CFAP20DC: variants seen among roughly 807,000 people sequenced by gnomAD.
The protein encoded by CFAP20DC is CFAP20 domain containing, also known as protein CFAP20DC.
Under a neutral mutation model 101.7 loss-of-function variants are expected in CFAP20DC, and 84 were observed. The ratio of observed to expected loss-of-function variants is 0.83; its 90% CI spans 0.69 to 0.99. The LOEUF (loss-of-function observed/expected upper bound fraction) is 0.99. Among genes scored for constraint, CFAP20DC ranks in the 50% least tolerant of loss-of-function variants. The pLI is 0.00. For missense variants in CFAP20DC, 1,007 were observed against 970.3 expected (o/e 1.04, Z -0.50); for synonymous variants, 359 against 351.2 (o/e 1.02, Z -0.25).
chr3:58,946,245 T>C (rs546444683), intron 4 of CFAP20DC, among the ~76,000 whole-genome samples: 112 of 151,740 alleles, frequency 7.4e-4, no homozygotes, highest in African/African-American at 2.6e-3. Context: ...GTCTCCTAAG[T>C]AGCTGGGACT....
At chr3:58,937,552 C>A (rs1022320475) in intron 5 of CFAP20DC, 96 bp downstream of exon 5, 3 of 766,334 alleles carry the variant, frequency 3.9e-6, no homozygotes, top group African/African-American at 3.5e-5. Flanking sequence ...ATACCACCAT[C>A]GTACTTAACA....
At position 58,807,209 on chromosome 3, in the gene CFAP20DC, G is replaced by A. The variant is rs965061854; in HGVS notation, c.2176-753C>T. On this transcript the variant is annotated intron_variant, in intron 14 of 16. Transcript: ENST00000482387. ...TCCCTGTCTGACAGCTTTGAAGAGA[G>A]CAGTGGTTCTCCCAGCACGCAGCTG... is the stretch of plus-strand genomic sequence containing the variant. Among the ~76,000 whole-genome samples the A allele has an allele frequency of 1.3e-5, 2 of 152,180 alleles. 1 individual carries two copies. The highest frequency in any genetic ancestry group is 4.8e-5 in the African/African-American group (2 of 41,436).
At chr3:59,026,955 C>T (rs1352962087) in intron 4 of CFAP20DC, among the ~76,000 whole-genome samples, 1 of 152,164 alleles carries the variant, frequency 6.6e-6, no homozygotes, top group African/African-American at 2.4e-5. Context: ...TGGACCTAAA[C>T]TCCGTAAAAT....
At chr3:58,811,420 T>A (rs2074621669) in intron 14 of CFAP20DC, among the ~76,000 whole-genome samples, 1 of 152,036 alleles carries the variant, frequency 6.6e-6, no homozygotes, top group African/African-American at 2.4e-5. Context: ...AACTATCTGA[T>A]CTTTGACAAA....
In CFAP20DC at chr3:58,742,115, C is replaced by T; in HGVS notation, c.*345G>A. On this transcript the variant is annotated 3_prime_UTR_variant, in exon 17 of 17. Coordinates refer to ENST00000482387, the MANE Select transcript of CFAP20DC (RefSeq NM_001394063.1). Reference sequence around the variant, plus strand: ...TTTCTGTACATCAAGCCATCATTTACAGATTAACACTGCAAAAAATTTGAA... The same window carrying T: ...TTTCTGTACATCAAGCCATCATTTATAGATTAACACTGCAAAAAATTTGAA... The T allele has an allele frequency of 1.1e-6, 1 of 948,386 alleles. No homozygotes were observed. The highest frequency in any genetic ancestry group is 1.3e-6 in the Non-Finnish European group (1 of 795,234). 58.7% of individuals were successfully genotyped at this position (948,386 alleles called of 1,614,324 possible). A position where few individuals can be genotyped will look rare whatever the true frequency, so the allele number is the denominator to read the frequency against.
intron 14 of CFAP20DC, among the ~76,000 whole-genome samples, chr3:58,813,200 T>A (rs1302250950): frequency 2.6e-5 from 4 of 151,854 alleles, no homozygotes; most frequent in Non-Finnish European, 5.9e-5. Context: ...AATCTCAAAT[T>A]TTCCCTCCAC....
intron 4 of CFAP20DC, among the ~76,000 whole-genome samples, chr3:58,996,511 C>T (rs2093139697): frequency 6.6e-6 from 1 of 152,152 alleles, no homozygotes; most frequent in Non-Finnish European, 1.5e-5. Context: ...CCACAAACTT[C>T]GTTATTTGCT....
intron 14 of CFAP20DC, among the ~76,000 whole-genome samples, chr3:58,821,586 C>T (rs1161991976): frequency 6.7e-6 from 1 of 149,498 alleles, no homozygotes; most frequent in African/African-American, 2.5e-5. Context: ...AAATCAAAAC[C>T]ACTATGAGAT....
chr3:59,028,712 T>C (rs777637573), intron 4 of CFAP20DC, among the ~76,000 whole-genome samples: 1 of 152,168 alleles, frequency 6.6e-6, no homozygotes, highest in South Asian at 2.1e-4. Flanking sequence ...TTCCCTCAAA[T>C]AATAAAACAG....
intron 15 of CFAP20DC, among the ~76,000 whole-genome samples, chr3:58,764,660 G>C (rs2070091135): frequency 1.3e-5 from 2 of 152,112 alleles, no homozygotes; most frequent in Admixed American, 1.3e-4. Flanking sequence ...GGCCATCTTG[G>C]CTCCACCCGA....
At chr3:58,917,661 G>A (rs74370896) in intron 5 of CFAP20DC, among the ~76,000 whole-genome samples, 165 of 152,154 alleles carry the variant, frequency 1.1e-3, no homozygotes, top group African/African-American at 3.7e-3. Context: ...ATAATTTCTC[G>A]ATAGAAAATC....
chr3:58,986,320 A>C (rs554984654), intron 4 of CFAP20DC, among the ~76,000 whole-genome samples: 4 of 152,272 alleles, frequency 2.6e-5, no homozygotes, highest in African/African-American at 9.6e-5. Context: ...CCAGAGGGTT[A>C]ATATGTGTGC....
At chr3:58,852,940 T>C (rs76593025) in intron 12 of CFAP20DC, among the ~76,000 whole-genome samples, 108,110 of 151,578 alleles carry the variant, frequency 0.71, 40,023 homozygotes, top group African/African-American at 0.92. Context: ...AAAGCAAGAG[T>C]AAACACATAC....
In CFAP20DC at chr3:58,937,569, C is replaced by G. The variant is rs375862184; in HGVS notation, c.393+79G>C. 148 of 870,408 alleles carry G rather than the reference C, an allele frequency of 1.7e-4. 1 individual carries two copies. Among genetic ancestry groups the G allele is most frequent in the Non-Finnish European group, 2.6e-4 (132 of 517,126 alleles). The allele number at this position is 870,408 out of a possible 1,614,324, so 53.9% of individuals were successfully genotyped here. A position where few individuals can be genotyped will look rare whatever the true frequency, so the allele number is the denominator to read the frequency against. ...ACCACCATCGTACTTAACAAAGTAC[C>G]TCACATATGGAGTCAGCCCATAAGT... On this transcript the variant is annotated intron_variant, in intron 5 of 16. Transcript: ENST00000482387.
rs76511821 is a variant in CFAP20DC, at chr3:59,022,831, A to T, written c.278+16726T>A. Among the ~76,000 whole-genome samples the T allele has an allele frequency of 4.6e-3, 703 of 152,268 alleles. 3 individuals carry two copies. Among genetic ancestry groups the T allele is most frequent in the Non-Finnish European group, 7.7e-3 (527 of 68,002 alleles). ...GAGTTCTATTATAGGCTTATATTCA[A>T]ACTCAGAGTTTTTATCTAAGAGCCA... On this transcript the variant is annotated intron_variant, in intron 4 of 16. Transcript: ENST00000482387.
chr3:58,901,417 T>C (rs1435376382), intron 6 of CFAP20DC, among the ~76,000 whole-genome samples: 1 of 152,202 alleles, frequency 6.6e-6, no homozygotes, highest in Non-Finnish European at 1.5e-5. Flanking sequence ...GCACAACAAC[T>C]CTACCTTGTT....
intron 13 of CFAP20DC, among the ~76,000 whole-genome samples, chr3:58,840,764 T>G (rs1369008548): frequency 2.0e-5 from 3 of 152,234 alleles, no homozygotes; most frequent in Non-Finnish European, 4.4e-5. Context: ...TACTTCAGAT[T>G]AGGGGCTAGG....
intron 12 of CFAP20DC, among the ~76,000 whole-genome samples, chr3:58,850,946 T>A (rs2078173908): frequency 6.6e-6 from 1 of 152,128 alleles, no homozygotes; most frequent in Admixed American, 6.5e-5. Flanking sequence ...AATCTTCCTT[T>A]CAGAAGTGAA....
chr3:58,949,859 A>C (rs1262485447), intron 4 of CFAP20DC, among the ~76,000 whole-genome samples: 6 of 152,296 alleles, frequency 3.9e-5, no homozygotes, highest in African/African-American at 1.4e-4. Context: ...GAAAACTCGC[A>C]CAAGACAGGG....
Sources: allele counts gnomAD v4.1 joint callset (sites outside exome capture counted in the v4.1 genomes callset), GRCh38; gene constraint gnomAD v4.1.1; transcripts MANE v1.5; gene names NCBI Gene and HGNC (gene_info 2026-07-23, HGNC 2026-07-21).